Variants in DOP1B observed in about 807,000 individuals in gnomAD.
The protein encoded by DOP1B is protein DOP1B.
A neutral mutation model predicts 233.5 loss-of-function variants in DOP1B; 174 were observed. The ratio of observed to expected loss-of-function variants is 0.75; its 90% CI spans 0.66 to 0.85. The LOEUF is 0.85. DOP1B is among the 40% of genes least tolerant of loss of function. DOP1B has a pLI of 0.00. For missense variants in DOP1B, 2,652 were observed against 2,846.6 expected (o/e 0.93, Z 1.56); for synonymous variants, 1,190 against 1,185.6 (o/e 1.00, Z -0.08).
At chr21:36,260,807 C>T in intron 24 of DOP1B, 75 bp downstream of exon 24, 1 of 1,587,616 alleles carries the variant, frequency 6.3e-7, no homozygotes, top group Non-Finnish European at 8.5e-7. Context: ...TAATAAATAT[C>T]TGGTTTTATT....
chr21:36,281,342 G>A (rs1172066231), intron 31 of DOP1B, 141 bp from the exon 32 acceptor site: 1 of 800,652 alleles, frequency 1.2e-6, no homozygotes, highest in East Asian at 2.7e-5. Context: ...ATATACATGG[G>A]AACAGTAATC....
Position 36,232,926 on chromosome 21 carries a change from C to T in DOP1B, c.2473C>T (p.Gln825Ter). 4 of 1,614,118 alleles carry T rather than the reference C, an allele frequency of 2.5e-6. No individual in the cohort carries two copies. Among genetic ancestry groups the T allele is most frequent in the Non-Finnish European group, 2.5e-6 (3 of 1,180,044 alleles). The stretch of plus-strand genomic sequence containing the variant: ...TCTGCTGGAAGTGATAAACCATTCC[C>T]AGTCCCTGGCGCTTGTCATTGAAGA... ...STLLEVINHSQSLALVIEDKM... is the reference protein window; with the variant it reads ...STLLEVINHS The change falls in exon 15 of 37, where the codon CAG becomes TAG. Residue 825 changes from glutamine (Q) to a stop codon, truncating the protein, a stop_gained. Coordinates refer to ENST00000691173, the MANE Select transcript of DOP1B (RefSeq NM_001320714.2). LOFTEE classifies it high-confidence loss of function.
chr21:36,164,652 A>C, intron 1 of DOP1B, 56 bp from the exon 2 acceptor site: 1 of 1,396,450 alleles, frequency 7.2e-7, no homozygotes, highest in Non-Finnish European at 9.5e-7. Context: ...TGGGTTGGGA[A>C]TGATTTGTAT....
At chr21:36,256,011 G>GT (rs1273374962) in intron 23 of DOP1B, among the ~76,000 whole-genome samples, 1 of 152,102 alleles carries the variant, frequency 6.6e-6, no homozygotes, top group Non-Finnish European at 1.5e-5. Context: ...TTCTATTTCT[G>GT]TTTTTACCAA....
intron 21 of DOP1B, among the ~76,000 whole-genome samples, 165 bp from the exon 22 acceptor site, chr21:36,250,997 C>T (rs183734804): frequency 1.3e-5 from 2 of 152,342 alleles, no homozygotes; most frequent in Non-Finnish European, 2.9e-5. Flanking sequence ...GGTTTGATTC[C>T]TCCCATTGCT....
chr21:36,231,403 T>C (rs1241248031), intron 14 of DOP1B, among the ~76,000 whole-genome samples: 1 of 152,186 alleles, frequency 6.6e-6, no homozygotes, highest in Non-Finnish European at 1.5e-5. Context: ...ATTTTCAGAT[T>C]AGAGATTCTC....
At chr21:36,191,457 G>T (rs1366703342) in intron 2 of DOP1B, among the ~76,000 whole-genome samples, 1 of 152,166 alleles carries the variant, frequency 6.6e-6, no homozygotes, top group African/African-American at 2.4e-5. Context: ...GGTCAGTTCA[G>T]TCCAGGAGGG....
intron 32 of DOP1B, among the ~76,000 whole-genome samples, chr21:36,284,728 G>A (rs1025831523): frequency 6.6e-6 from 1 of 151,974 alleles, no homozygotes; most frequent in Non-Finnish European, 1.5e-5. Flanking sequence ...CCATGGTAGA[G>A]TTTAAACACC....
chr21:36,293,488 T>A lies in DOP1B; in HGVS notation c.6814T>A (p.Phe2272Ile), dbSNP rs1293865663. The change falls in exon 37 of 37, where the codon TTT (phenylalanine) becomes ATT (isoleucine). Residue 2272 changes from phenylalanine to isoleucine, a missense_variant. This residue lies in a region of DOP1B where 31 missense variants were observed against 34.2 expected (regional missense o/e 0.91). Coordinates refer to ENST00000691173, the MANE Select transcript of DOP1B (RefSeq NM_001320714.2). ...TAGCCCAGGAACTCCATTCTTGGAC[T>A]TTCCTGTCACAGATAGCCCAAGGAT... ...ADSPGTPFLD[F>I]PVTDSPRILK... 1 of 1,614,138 alleles carries A rather than the reference T, an allele frequency of 6.2e-7. No homozygotes were observed.
chr21:36,217,756 G>C (rs752309856), intron 9 of DOP1B, among the ~76,000 whole-genome samples: 4 of 152,184 alleles, frequency 2.6e-5, no homozygotes, highest in Non-Finnish European at 4.4e-5. Context: ...TGCTAGTGTA[G>C]AGTAACTGCA....
intron 2 of DOP1B, among the ~76,000 whole-genome samples, chr21:36,172,275 G>A (rs940982887): frequency 1.3e-5 from 2 of 152,138 alleles, no homozygotes; most frequent in African/African-American, 4.8e-5. Flanking sequence ...GAATTCCCCG[G>A]GCCGTCAGCA....
Position 36,292,229 on chromosome 21 carries a change from T to C in DOP1B, c.6641T>C (p.Phe2214Ser), listed in dbSNP as rs767203110. The C allele has an allele frequency of 1.6e-5, 25 of 1,584,348 alleles. No homozygotes were observed. The highest frequency in any genetic ancestry group is 2.1e-5 in the Non-Finnish European group (25 of 1,171,376). Residue 2214 changes from phenylalanine to serine, a missense_variant, in exon 36 of 37, where the codon TTT becomes TCT. Transcript: ENST00000691173. ...VRILELLKLKFGEISSSDEIT... is the reference protein window; with the variant it reads ...VRILELLKLKSGEISSSDEIT... The stretch of plus-strand genomic sequence containing the variant: ...ATTCTAGAACTTCTAAAATTAAAGT[T>C]TGGGGTAAGTGCTTTTCTTTTCTTT...
chr21:36,226,933 T>C (rs114120793), intron 12 of DOP1B, among the ~76,000 whole-genome samples: 7,959 of 152,116 alleles, frequency 0.052, 230 homozygotes, highest in African/African-American at 0.064. Flanking sequence ...TAATATGGTA[T>C]GGTGGCTCAC....
Position 36,281,646 on chromosome 21 carries a change from A to G in DOP1B, c.6160+35A>G, listed in dbSNP as rs185942504. 6.4e-5 allele frequency: 96 copies of G among 1,490,986 alleles called. No homozygotes were observed. The East Asian group carries it at 1.4e-3, about 21-fold the overall frequency. 92.4% of individuals were successfully genotyped at this position (1,490,986 alleles called of 1,614,324 possible). ...CTGTCTTAGTCTGTTTTTTGCTGCT[A>G]TAACAGAATACCTGAGACTGGGGAA... On this transcript the variant is annotated intron_variant, in intron 32 of 36. Coordinates refer to ENST00000691173, the MANE Select transcript of DOP1B (RefSeq NM_001320714.2).
At chr21:36,179,838 A>G (rs1370090210) in intron 2 of DOP1B, among the ~76,000 whole-genome samples, 1 of 152,200 alleles carries the variant, frequency 6.6e-6, no homozygotes, top group Non-Finnish European at 1.5e-5. Flanking sequence ...ACGACTCTGA[A>G]TAAAGCTGTA....
intron 2 of DOP1B, among the ~76,000 whole-genome samples, chr21:36,191,606 T>G (rs1461650082): frequency 6.6e-6 from 1 of 152,152 alleles, no homozygotes; most frequent in Non-Finnish European, 1.5e-5. Context: ...GCCAACATAG[T>G]GAAACCTCGT....
intron 26 of DOP1B, among the ~76,000 whole-genome samples, chr21:36,265,525 TG>T (rs2067221078): frequency 6.6e-6 from 1 of 152,244 alleles, no homozygotes; most frequent in African/African-American, 2.4e-5. Context: ...GTCCAGGTGC[TG>T]GGATAGCACT....
chr21:36,236,992 C>T (rs747155214), intron 15 of DOP1B, among the ~76,000 whole-genome samples: 3 of 152,044 alleles, frequency 2.0e-5, no homozygotes, highest in Non-Finnish European at 4.4e-5. Flanking sequence ...GCCATGTTGA[C>T]CAGGCTGGTC....
intron 26 of DOP1B, among the ~76,000 whole-genome samples, chr21:36,265,417 CA>C (rs2067219958): frequency 1.3e-5 from 2 of 151,706 alleles, no homozygotes; most frequent in African/African-American, 4.9e-5. Context: ...AACAAAAAAA[CA>C]AAAACACCAT....
Sources: gnomAD v4.1 joint callset for allele counts (sites outside exome capture counted in the v4.1 genomes callset) on GRCh38, gnomAD v4.1.1 for gene constraint, gnomAD v4.1.1 regional missense constraint, MANE v1.5 for transcripts, NCBI Gene and HGNC (gene_info 2026-07-23, HGNC 2026-07-21) for gene names.